Variants in PIK3R5 observed in about 807,000 individuals in gnomAD.
PIK3R5 encodes the protein phosphoinositide-3-kinase regulatory subunit 5.
PIK3R5 carries 32 observed loss-of-function variants against 94.9 expected under a neutral mutation model. That is an observed-to-expected ratio of 0.34 (90% confidence interval 0.25 to 0.45). The LOEUF is 0.45. Among genes scored for constraint, PIK3R5 ranks in the 20% least tolerant of loss-of-function variants. The pLI is 1.00. For missense variants in PIK3R5, 853 were observed against 1,144.6 expected, an observed-to-expected ratio of 0.75 and a Z score of 3.68; for synonymous variants, 443 against 479.4, an observed-to-expected ratio of 0.92 and a Z score of 0.99.
At chr17:8,951,903 T>C (rs761231071) in intron 1 of PIK3R5, among the ~76,000 whole-genome samples, 2 of 152,244 alleles carry the variant, frequency 1.3e-5, no homozygotes, top group Non-Finnish European at 2.9e-5. Flanking sequence ...TAACTAAGTA[T>C]GACCATATGA....
Position 8,884,260 on chromosome 17 carries a change from T to C in PIK3R5, c.2205+447A>G, listed in dbSNP as rs553343727. 6.6e-6 allele frequency among the ~76,000 whole-genome samples: 1 copy of C among 152,138 alleles called. No homozygotes were observed. Among genetic ancestry groups the C allele is most frequent in the African/African-American group, 2.4e-5 (1 of 41,412 alleles). The stretch of plus-strand genomic sequence containing the variant: ...ACCTGCTCAGAGAACTCATGTCTTC[T>C]GGCATGTCATGGACAGCCCTCCACC... On this transcript the variant is annotated intron_variant, in intron 15 of 18. Transcript: ENST00000447110. This position sits in a 1 kb window ranked among gnomAD's most constrained non-coding sequence, Gnocchi z 5.8.
chr17:8,888,576 C>G lies in PIK3R5; in HGVS notation c.1211G>C (p.Trp404Ser). 6 of 1,612,204 alleles carry G rather than the reference C, an allele frequency of 3.7e-6. No individual in the cohort carries two copies. The South Asian group carries it at 6.6e-5, about 18-fold the overall frequency. Residue 404 changes from tryptophan (W) to serine (S), a missense_variant, in exon 10 of 19, where the codon TGG becomes TCG. Trp to Ser is a radical substitution (Grantham distance 177). Transcript: ENST00000447110. This position sits in a 1 kb window ranked among gnomAD's most constrained non-coding sequence, Gnocchi z 7.8. The stretch of plus-strand genomic sequence containing the variant: ...TCGGCGTTCCTGGCTGCCACGCCTC[C>G]AAGGCCACTCGGAGGAGCTCTCCTC... ...DSEESSSEWP[W>S]RRGSQERRGH...
At position 8,893,505 on chromosome 17, in the gene PIK3R5, G is replaced by C. The variant is rs989556718; in HGVS notation, c.482+81C>G. On this transcript the variant is annotated intron_variant, in intron 6 of 18. Transcript: ENST00000447110. The surrounding 1 kb of genome is among the most constrained non-coding windows in gnomAD (Gnocchi z 5.1). Reference sequence around the variant, plus strand: ...GGGTGGGGGCACTGGATGTTTGAGTGGGGGAGGAGGGTGAAGGTGGAACAG... The same window carrying C: ...GGGTGGGGGCACTGGATGTTTGAGTCGGGGAGGAGGGTGAAGGTGGAACAG... 3.4e-5 allele frequency: 38 copies of C among 1,111,868 alleles called. No individual in the cohort carries two copies. The highest frequency in any genetic ancestry group is 7.0e-5 in the Admixed American group (4 of 57,282). The allele number at this position is 1,111,868 out of a possible 1,614,324, so 68.9% of individuals were successfully genotyped here.
Position 8,888,042 on chromosome 17 carries a change from AATAAT to A in PIK3R5, c.1616+124_1616+128del, listed in dbSNP as rs1330213698. The A allele has an allele frequency of 2.6e-5, 7 of 272,942 alleles. 1 individual carries two copies. The highest frequency in any genetic ancestry group is 1.4e-4 in the African/African-American group (6 of 43,812). The allele number at this position is 272,942 out of a possible 1,614,324, so 16.9% of individuals were successfully genotyped here. On this transcript the variant is annotated intron_variant, in intron 10 of 18. Coordinates refer to ENST00000447110, the MANE Select transcript of PIK3R5 (RefSeq NM_001142633.3). This position sits in a 1 kb window ranked among gnomAD's most constrained non-coding sequence, Gnocchi z 7.8. ...TAATAATAATAATAATAATAATAAT[AATAAT>A]AAAATAAAAATAAATAAGGGAACTT...
At chr17:8,941,655 G>A (rs981181723) in intron 1 of PIK3R5, among the ~76,000 whole-genome samples, 4 of 152,200 alleles carry the variant, frequency 2.6e-5, no homozygotes, top group African/African-American at 7.2e-5. Flanking sequence ...CGGCCCACGC[G>A]GCACCGTGGC....
chr17:8,894,530 C>T (rs1005653489), intron 5 of PIK3R5, among the ~76,000 whole-genome samples: 1 of 152,192 alleles, frequency 6.6e-6, no homozygotes, highest in African/African-American at 2.4e-5. Flanking sequence ...AGCCCGCATC[C>T]CCTTTCTCCC....
In PIK3R5 at chr17:8,890,721, A is replaced by G. The variant is rs1300290854; in HGVS notation, c.657+17T>C. ...CAGAGAGGTGCTCCACCAGAGCCCC[A>G]GGCCCCAGGTACATACCTGTAGCCT... On this transcript the variant is annotated intron_variant, in intron 7 of 18. Transcript: ENST00000447110. The surrounding 1 kb of genome is among the most constrained non-coding windows in gnomAD (Gnocchi z 6.1). The G allele has an allele frequency of 5.1e-5, 82 of 1,594,432 alleles. No individual in the cohort carries two copies. Among genetic ancestry groups the G allele is most frequent in the Non-Finnish European group, 6.9e-5 (81 of 1,170,368 alleles).
Position 8,889,897 on chromosome 17 carries a change from G to C in PIK3R5, c.811+76C>G. 2 of 1,527,930 alleles carry C rather than the reference G, an allele frequency of 1.3e-6. No homozygotes were observed. The highest frequency in any genetic ancestry group is 1.8e-6 in the Non-Finnish European group (2 of 1,108,622). 94.6% of individuals were successfully genotyped at this position (1,527,930 alleles called of 1,614,324 possible). A position where few individuals can be genotyped will look rare whatever the true frequency, so the allele number is the denominator to read the frequency against. On this transcript the variant is annotated intron_variant, in intron 8 of 18. Coordinates refer to ENST00000447110, the MANE Select transcript of PIK3R5 (RefSeq NM_001142633.3). This position sits in a 1 kb window ranked among gnomAD's most constrained non-coding sequence, Gnocchi z 4.1. ...TGTGTGGAGCAGAGCCACCAGGCCC[G>C]CCTGGACCGTGCACCTTGGGACCTA...
At chr17:8,960,727 C>T (rs2091548946) in intron 1 of PIK3R5, among the ~76,000 whole-genome samples, 1 of 152,214 alleles carries the variant, frequency 6.6e-6, no homozygotes, top group African/African-American at 2.4e-5. Flanking sequence ...TCAGCCCTCA[C>T]ACCCCAGCCC....
chr17:8,948,062 A>AAAAAAAAAAG (rs2091308961), intron 1 of PIK3R5, among the ~76,000 whole-genome samples: 2 of 146,082 alleles, frequency 1.4e-5, no homozygotes, highest in Non-Finnish European at 3.0e-5. Flanking sequence ...AAAAAAAAAA[A>AAAAAAAAAAG]AAAAGAAAAG....
At position 8,880,475 on chromosome 17, in the gene PIK3R5, G is replaced by C. The variant is rs2089626427; in HGVS notation, c.*164C>G. ...AGCTGTTGCTTTCCCAGAACCCTGA[G>C]GCCCCAGAAACCCTCTACTCCCAGC... On this transcript the variant is annotated 3_prime_UTR_variant, in exon 19 of 19. Transcript: ENST00000447110. The C allele has an allele frequency of 1.6e-6, 1 of 621,802 alleles. No individual in the cohort carries two copies. The highest frequency in any genetic ancestry group is 2.6e-6 in the Non-Finnish European group (1 of 385,014). The allele number at this position is 621,802 out of a possible 1,614,324, so 38.5% of individuals were successfully genotyped here.
chr17:8,885,980 CT>C (rs1263569989), intron 14 of PIK3R5, among the ~76,000 whole-genome samples: 3 of 151,492 alleles, frequency 2.0e-5, no homozygotes, highest in Non-Finnish European at 4.4e-5. Flanking sequence ...ATGGCCCTGC[CT>C]CCTGGGTAAC....
In PIK3R5 at chr17:8,889,258, G is replaced by A. The variant is rs756942863; in HGVS notation, c.812-36C>T. Reference sequence around the variant, plus strand: ...AGGGAGGATAGGAGAAGAGGGCTGGGAAGAGGCCTTGGAGATTGGCCAGTC... The same window carrying A: ...AGGGAGGATAGGAGAAGAGGGCTGGAAAGAGGCCTTGGAGATTGGCCAGTC... On this transcript the variant is annotated intron_variant, in intron 8 of 18. Coordinates refer to ENST00000447110, the MANE Select transcript of PIK3R5 (RefSeq NM_001142633.3). This position sits in a 1 kb window ranked among gnomAD's most constrained non-coding sequence, Gnocchi z 4.1. 3.2e-6 allele frequency: 5 copies of A among 1,548,026 alleles called. No individual in the cohort carries two copies.
chr17:8,914,491 GCA>G (rs1293213182), intron 1 of PIK3R5, among the ~76,000 whole-genome samples: 2 of 152,204 alleles, frequency 1.3e-5, no homozygotes, highest in Non-Finnish European at 2.9e-5. Context: ...TCCAGAACCA[GCA>G]CAGTGACCCG....
intron 5 of PIK3R5, among the ~76,000 whole-genome samples, chr17:8,895,704 A>G (rs2090137908): frequency 6.6e-6 from 1 of 152,184 alleles, no homozygotes; most frequent in Non-Finnish European, 1.5e-5. Flanking sequence ...TGCTACAGTT[A>G]GAATCAGAAG....
In PIK3R5 at chr17:8,888,714, G is replaced by C. The variant is rs1266567604; in HGVS notation, c.1073C>G (p.Thr358Ser). ...STSSLASHDS[T>S]LSLASSQASG... ...GGCCTGGGAGGATGCAAGGGACAAG[G>C]TGGAGTCATGGGACGCCAAAGAGCT... The change falls in exon 10 of 19, where the codon ACC becomes AGC. Residue 358 changes from threonine (T) to serine (S), a missense_variant. Around this residue, in one of 6 missense-constraint regions of PIK3R5, gnomAD observed 319 missense variants for 339.8 expected, o/e 0.94. Transcript: ENST00000447110. This position sits in a 1 kb window ranked among gnomAD's most constrained non-coding sequence, Gnocchi z 7.8. 1.9e-6 allele frequency: 3 copies of C among 1,613,848 alleles called. No individual in the cohort carries two copies. The highest frequency in any genetic ancestry group is 1.7e-6 in the Non-Finnish European group (2 of 1,180,018).
In PIK3R5 at chr17:8,955,715, G is replaced by A. The variant is rs907668930; in HGVS notation, c.-14+9881C>T. Among the ~76,000 whole-genome samples, 2 of 152,136 alleles carry A rather than the reference G, an allele frequency of 1.3e-5. No homozygotes were observed. The highest frequency in any genetic ancestry group is 4.8e-5 in the African/African-American group (2 of 41,444). ...TGGAGAAAGGAAGCACCATCAAAAC[G>A]GGCTGGGGAGTGGGGAACAAGGAAG... On this transcript the variant is annotated intron_variant, in intron 1 of 18. Transcript: ENST00000447110. This position sits in a 1 kb window ranked among gnomAD's most constrained non-coding sequence, Gnocchi z 4.4.
chr17:8,925,434 AGATAGATAGTAGATG>A lies in PIK3R5; in HGVS notation c.-13-13942_-13-13928del, dbSNP rs1567658501. Among the ~76,000 whole-genome samples, 1 of 143,048 alleles carries A rather than the reference AGATAGATAGTAGATG, an allele frequency of 7.0e-6. No individual in the cohort carries two copies. The highest frequency in any genetic ancestry group is 1.6e-5 in the Non-Finnish European group (1 of 63,158). The allele number at this position is 143,048 out of a possible 152,430, so 93.8% of individuals were successfully genotyped here. ...ATGGATAGGTAGATAGTAGATGGAG[AGATAGATAGTAGATG>A]GATAGATAGTAGATGGATGATAGAT... On this transcript the variant is annotated intron_variant, in intron 1 of 18. Transcript: ENST00000447110. The surrounding 1 kb of genome is among the most constrained non-coding windows in gnomAD (Gnocchi z 5.1).
intron 1 of PIK3R5, among the ~76,000 whole-genome samples, chr17:8,952,327 G>A (rs1199520434): frequency 6.6e-6 from 1 of 152,216 alleles, no homozygotes; most frequent in African/African-American, 2.4e-5. Flanking sequence ...TTGTTTTTCT[G>A]TTACTATGCC....
Sources: gnomAD v4.1 joint callset for allele counts (sites outside exome capture counted in the v4.1 genomes callset) on GRCh38, gnomAD v4.1.1 for gene constraint, gnomAD v4.1.1 regional missense constraint, Gnocchi (gnomAD v3.1) non-coding constraint, MANE v1.5 for transcripts, NCBI Gene and HGNC (gene_info 2026-07-23, HGNC 2026-07-21) for gene names.